Variants in GRAMD1B observed in about 807,000 individuals in gnomAD.
GRAMD1B encodes GRAM domain containing 1B.
In GRAMD1B, 37 loss-of-function variants were observed where a neutral mutation model predicts 99.7. The observed-to-expected ratio is 0.37, with a 90% CI of 0.29 to 0.49. The LOEUF (loss-of-function observed/expected upper bound fraction) is 0.49. GRAMD1B is among the 20% of genes least tolerant of loss of function. The pLI, the probability that GRAMD1B is intolerant of heterozygous loss-of-function variation, is 0.98. For synonymous variants in GRAMD1B, 427 were observed against 387.6 expected (o/e 1.10, Z -1.19); for missense variants, 888 against 1,009.2 (o/e 0.88, Z 1.63).
chr11:123,598,976 A>G, intron 7 of GRAMD1B: 3 of 1,057,616 alleles, frequency 2.8e-6, no homozygotes, highest in Non-Finnish European at 3.0e-6. Context: ...ATGTGATATA[A>G]TCCAGCTTCT....
chr11:123,611,376 A>G (rs998123774), intron 14 of GRAMD1B, among the ~76,000 whole-genome samples: 10 of 152,084 alleles, frequency 6.6e-5, no homozygotes, highest in Admixed American at 2.0e-4. Flanking sequence ...CAAGGCTGCA[A>G]TGAGCTATGA....
At chr11:123,559,584 T>G (rs949278283) in intron 2 of GRAMD1B, 1 of 693,580 alleles carries the variant, frequency 1.4e-6, no homozygotes, top group Non-Finnish European at 1.8e-6. Flanking sequence ...CTGGGGGCTG[T>G]CTGAGTACTA....
At chr11:123,464,367 C>T (rs1217283098) in intron 1 of GRAMD1B, among the ~76,000 whole-genome samples, 1 of 152,142 alleles carries the variant, frequency 6.6e-6, no homozygotes, top group Non-Finnish European at 1.5e-5. Context: ...ATGCTGGGGC[C>T]AGCTGGCATC....
At chr11:123,613,848 G>C (rs1250311878) in intron 16 of GRAMD1B, among the ~76,000 whole-genome samples, 190 bp downstream of exon 16, 2 of 152,200 alleles carry the variant, frequency 1.3e-5, no homozygotes, top group Non-Finnish European at 2.9e-5. Flanking sequence ...CTCAGCCCCA[G>C]CTGAACCCAT....
intron 1 of GRAMD1B, among the ~76,000 whole-genome samples, chr11:123,418,024 C>T (rs929320308): frequency 6.6e-6 from 1 of 152,102 alleles, no homozygotes; most frequent in Non-Finnish European, 1.5e-5. Flanking sequence ...CTTGGCCTCC[C>T]GAAGTGCTGG....
chr11:123,595,791 A>G (rs1385031714), intron 6 of GRAMD1B, 151 bp from the exon 7 acceptor site: 2 of 555,186 alleles, frequency 3.6e-6, no homozygotes, highest in African/African-American at 1.9e-5. Context: ...TAAAGGGGTA[A>G]ACCAGATGAT....
chr11:123,456,489 T>C (rs560072048), intron 1 of GRAMD1B, among the ~76,000 whole-genome samples: 6 of 151,990 alleles, frequency 3.9e-5, no homozygotes, highest in African/African-American at 1.4e-4. Context: ...AAAGAAAAAA[T>C]TGGGGCCAAG....
Position 123,483,391 on chromosome 11 carries a change from CTT to C in GRAMD1B, c.452+2514_452+2515del, listed in dbSNP as rs67407274. On this transcript the variant is annotated intron_variant, in intron 2 of 19. Transcript: ENST00000635736. Reference sequence around the variant, plus strand: ...CCATTTAATATTTTCTTTTCTTTTTCTTTTTTTTTTTTTTTTTGAGATAGGGT... The same window carrying C: ...CCATTTAATATTTTCTTTTCTTTTTCTTTTTTTTTTTTTTTGAGATAGGGT... 1.6e-3 allele frequency among the ~76,000 whole-genome samples: 221 copies of C among 134,072 alleles called. 1 individual carries two copies. Among genetic ancestry groups the C allele is most frequent in the Middle Eastern group, 4.1e-3 (1 of 244 alleles). 88.0% of individuals were successfully genotyped at this position (134,072 alleles called of 152,430 possible).
chr11:123,452,134 C>T (rs927336509), intron 1 of GRAMD1B, among the ~76,000 whole-genome samples: 2 of 152,220 alleles, frequency 1.3e-5, no homozygotes, highest in East Asian at 1.9e-4. Context: ...GCACCCAGTC[C>T]GACAGCAGAT....
At chr11:123,563,431 A>C (rs940617442) in intron 2 of GRAMD1B, among the ~76,000 whole-genome samples, 2 of 152,186 alleles carry the variant, frequency 1.3e-5, no homozygotes, top group Non-Finnish European at 2.9e-5. Flanking sequence ...ATTATAACTG[A>C]TGAACTGACC....
In GRAMD1B at chr11:123,391,479, G is replaced by A. The variant is rs139245457; in HGVS notation, c.-176+32680G>A. On this transcript the variant is annotated intron_variant, in intron 1 of 20. Transcript: ENST00000638157. ...TTTGTTTGTTTGTTTGTTTGAGAGAGAGAGTCTCGTTCTGTCACCCAGGCT... is the reference window on the plus strand; with the variant it reads ...TTTGTTTGTTTGTTTGTTTGAGAGAAAGAGTCTCGTTCTGTCACCCAGGCT... Among the ~76,000 whole-genome samples, 810 of 152,252 alleles carry A rather than the reference G, an allele frequency of 5.3e-3. 10 individuals carry two copies. Among genetic ancestry groups the A allele is most frequent in the African/African-American group, 0.019 (770 of 41,544 alleles).
chr11:123,449,776 A>G lies in GRAMD1B; in HGVS notation c.374+18610A>G, dbSNP rs560056524. Among the ~76,000 whole-genome samples the G allele has an allele frequency of 3.4e-5, 5 of 146,506 alleles. No homozygotes were observed. In the East Asian group the frequency reaches 1.0e-3, roughly 30 times the overall value. ...TCACCCAGCACTCAGGTTGGAACAC[A>G]GTAGCACAATCATGGCTCACTGAAG... is the stretch of plus-strand genomic sequence containing the variant. On this transcript the variant is annotated intron_variant, in intron 1 of 19. Coordinates refer to ENST00000635736, the MANE Select transcript of GRAMD1B (RefSeq NM_001387025.1).
intron 1 of GRAMD1B, among the ~76,000 whole-genome samples, chr11:123,422,141 T>C (rs1035797973): frequency 6.6e-6 from 1 of 151,900 alleles, no homozygotes; most frequent in African/African-American, 2.4e-5. Flanking sequence ...TGGTCCTGAG[T>C]CTCCATTTGT....
chr11:123,449,420 CA>C (rs1949780172), intron 1 of GRAMD1B, among the ~76,000 whole-genome samples: 1 of 152,180 alleles, frequency 6.6e-6, no homozygotes, highest in African/African-American at 2.4e-5. Flanking sequence ...AATCATTTTG[CA>C]AAGCAAGGAG....
At chr11:123,598,822 C>A (rs1951602232) in intron 7 of GRAMD1B, 1 of 1,197,124 alleles carries the variant, frequency 8.4e-7, no homozygotes, top group Non-Finnish European at 1.3e-6. Context: ...TGAATCTTCC[C>A]AGAAAGTTCA....
chr11:123,399,673 G>A (rs1947590340), intron 1 of GRAMD1B, among the ~76,000 whole-genome samples: 2 of 152,048 alleles, frequency 1.3e-5, no homozygotes, highest in African/African-American at 4.8e-5. Flanking sequence ...GCAGTGGCAT[G>A]ATCTCGGCTC....
chr11:123,361,959 G>A (rs996362200), intron 1 of GRAMD1B, among the ~76,000 whole-genome samples: 2 of 152,216 alleles, frequency 1.3e-5, no homozygotes, highest in Non-Finnish European at 2.9e-5. Flanking sequence ...TCATTTGGTA[G>A]GCATGAGAAT....
At chr11:123,493,168 A>G (rs575277631) in intron 2 of GRAMD1B, among the ~76,000 whole-genome samples, 5 of 152,222 alleles carry the variant, frequency 3.3e-5, no homozygotes, top group Non-Finnish European at 5.9e-5. Flanking sequence ...CTTAGTTTAA[A>G]TTCCAGCTCT....
At chr11:123,606,853 A>C in intron 11 of GRAMD1B, 55 bp downstream of exon 11, 1 of 1,391,826 alleles carries the variant, frequency 7.2e-7, no homozygotes, top group Non-Finnish European at 1.0e-6. Flanking sequence ...GAAGGCTAAA[A>C]GGAGATCTCT....
Sources: gnomAD v4.1 joint callset for allele counts (sites outside exome capture counted in the v4.1 genomes callset) on GRCh38, gnomAD v4.1.1 for gene constraint, MANE v1.5 for transcripts, NCBI Gene and HGNC (gene_info 2026-07-23, HGNC 2026-07-21) for gene names.